The following CNDP1 variants were observed in gnomAD, a reference collection of about 807,000 sequenced individuals.
CNDP1 encodes the protein carnosine dipeptidase 1.
In CNDP1, 44 loss-of-function variants were observed where a neutral mutation model predicts 58.1. The ratio of observed to expected loss-of-function variants is 0.76; its 90% CI spans 0.60 to 0.97. The LOEUF (loss-of-function observed/expected upper bound fraction) is 0.97. Ranked by LOEUF, CNDP1 falls within the 50% of genes least tolerant of loss-of-function variation. The pLI, the probability that CNDP1 is intolerant of heterozygous loss-of-function variation, is 0.00. For synonymous variants in CNDP1, 254 were observed against 252.6 expected (o/e 1.01, Z -0.05); for missense variants, 616 against 655.1 (o/e 0.94, Z 0.65).
In CNDP1 at chr18:74,579,089, G is replaced by A. The variant is rs529501743; in HGVS notation, c.1167+762G>A. On this transcript the variant is annotated intron_variant, in intron 9 of 11. Coordinates refer to ENST00000358821, the MANE Select transcript of CNDP1 (RefSeq NM_032649.6). ...AAAGTAGTCTCTCTTTCTCCCTCCC[G>A]GCTTCCTCCCCTCCTCTCTTCCCTC... Among the ~76,000 whole-genome samples the A allele has an allele frequency of 7.3e-5, 11 of 150,758 alleles. No individual in the cohort carries two copies. In the Middle Eastern group the frequency reaches 0.01, roughly 144 times the overall value.
chr18:74,548,383 C>T (rs1466546888), intron 1 of CNDP1, among the ~76,000 whole-genome samples: 1 of 152,104 alleles, frequency 6.6e-6, no homozygotes, highest in Admixed American at 6.5e-5. Context: ...ACATTCTTGC[C>T]ATGTGAGGAG....
At chr18:74,584,210 A>G (rs1981858160) in intron 11 of CNDP1, 1 of 430,108 alleles carries the variant, frequency 2.3e-6, no homozygotes, top group Admixed American at 3.6e-5. Context: ...GACTACTGAG[A>G]AACAAGAAAT....
intron 1 of CNDP1, among the ~76,000 whole-genome samples, chr18:74,546,961 T>G (rs1980775544): frequency 6.6e-6 from 1 of 152,146 alleles, no homozygotes; most frequent in South Asian, 2.1e-4. Context: ...TCACAGTTCT[T>G]GAGACTTTCT....
At chr18:74,554,438 C>T (rs1302052213) in intron 1 of CNDP1, among the ~76,000 whole-genome samples, 5 of 152,166 alleles carry the variant, frequency 3.3e-5, no homozygotes, top group Admixed American at 3.3e-4. Flanking sequence ...TCAGTAGGAC[C>T]AGATGTTTTG....
intron 6 of CNDP1, among the ~76,000 whole-genome samples, chr18:74,570,247 AAAAAG>A (rs1425563743): frequency 6.7e-6 from 1 of 149,234 alleles, no homozygotes; most frequent in Non-Finnish European, 1.5e-5. Context: ...ATAATTAAAA[AAAAAG>A]AAAAGAAAAG....
rs113254855 is a variant in CNDP1 at position 74,584,252 on chromosome 18, G to A, written c.1458-244G>A. The A allele has an allele frequency of 2.7e-3, 1,347 of 508,072 alleles. 14 individuals carry two copies. The highest frequency in any genetic ancestry group is 0.023 in the African/African-American group (1,202 of 52,272). 31.5% of individuals were successfully genotyped at this position (508,072 alleles called of 1,614,324 possible). A position where few individuals can be genotyped will look rare whatever the true frequency, so the allele number is the denominator to read the frequency against. ...ACCCTGATATCCATATCAGTGATAA[G>A]AAATCAAGGAAAATTCACTTTTGGA... is the stretch of plus-strand genomic sequence containing the variant. On this transcript the variant is annotated intron_variant, in intron 11 of 11. Transcript: ENST00000358821.
chr18:74,553,341 C>G (rs182497850), intron 1 of CNDP1, among the ~76,000 whole-genome samples: 1 of 152,190 alleles, frequency 6.6e-6, no homozygotes, highest in Admixed American at 6.5e-5. Flanking sequence ...ATCACCTCAT[C>G]CAAAGGTAGG....
In CNDP1 at chr18:74,580,416, G is replaced by A. The variant is rs779701971; in HGVS notation, c.1309+145G>A. The A allele has an allele frequency of 5.1e-6, 4 of 785,926 alleles. No homozygotes were observed. In the African/African-American group the frequency reaches 5.2e-5, roughly 10 times the overall value. 48.7% of individuals were successfully genotyped at this position (785,926 alleles called of 1,614,324 possible). A position where few individuals can be genotyped will look rare whatever the true frequency, so the allele number is the denominator to read the frequency against. On this transcript the variant is annotated intron_variant, in intron 10 of 11. Transcript: ENST00000358821. ...GAGCACATTGTTGAATGCATGCCAT[G>A]TGCAGGGCACGCTATACACGCCATC...
intron 1 of CNDP1, among the ~76,000 whole-genome samples, chr18:74,549,077 C>T (rs1331045712): frequency 6.6e-6 from 1 of 152,190 alleles, no homozygotes; most frequent in African/African-American, 2.4e-5. Context: ...ACCAGTGGCA[C>T]TTGTGGCTGC....
intron 1 of CNDP1, among the ~76,000 whole-genome samples, chr18:74,535,994 T>C (rs1457126743): frequency 6.6e-6 from 1 of 152,138 alleles, no homozygotes; most frequent in East Asian, 1.9e-4. Context: ...GTTGCGCCAC[T>C]GCACTCCAGC....
At position 74,544,108 on chromosome 18, in the gene CNDP1, C is replaced by T. The variant is rs902092851; in HGVS notation, c.24+9417C>T. Among the ~76,000 whole-genome samples, 7 of 152,036 alleles carry T rather than the reference C, an allele frequency of 4.6e-5. No homozygotes were observed. The East Asian group carries it at 1.4e-3, about 29-fold the overall frequency. On this transcript the variant is annotated intron_variant, in intron 1 of 11. Transcript: ENST00000358821. ...CTCTACAAAAAGCTTAAAAAATAAG[C>T]CGGCTTGGTGTTGCACACCTGTAGT... is the stretch of plus-strand genomic sequence containing the variant.
chr18:74,583,288 T>C (rs1230998382), intron 10 of CNDP1, among the ~76,000 whole-genome samples: 3 of 152,226 alleles, frequency 2.0e-5, no homozygotes, highest in Non-Finnish European at 2.9e-5. Context: ...ATTACAGGCA[T>C]GAGCCACTGC....
chr18:74,534,800 C>A, intron 1 of CNDP1, 109 bp downstream of exon 1: 1 of 1,181,960 alleles, frequency 8.5e-7, no homozygotes, highest in Non-Finnish European at 1.3e-6. Context: ...CCCAGCGTGG[C>A]CCCAGATGCT....
Position 74,586,053 on chromosome 18 carries a change from ACT to A in CNDP1, c.*1494_*1495del, listed in dbSNP as rs1981907020. The A allele has an allele frequency of 6.7e-6, 1 of 149,400 alleles. No homozygotes were observed. Among genetic ancestry groups the A allele is most frequent in the African/African-American group, 2.5e-5 (1 of 40,552 alleles). The allele number at this position is 149,400 out of a possible 1,614,324, so 9.3% of individuals were successfully genotyped here. A position where few individuals can be genotyped will look rare whatever the true frequency, so the allele number is the denominator to read the frequency against. ...CATTTGCGTTCAACTTTTTTCCATC[ACT>A]CTGTTGGTTCTTGAGATGTCAGTGT... On this transcript the variant is annotated 3_prime_UTR_variant, in exon 12 of 12. Transcript: ENST00000358821.
chr18:74,571,943 A>G (rs1305514466), intron 7 of CNDP1, among the ~76,000 whole-genome samples: 1 of 151,910 alleles, frequency 6.6e-6, no homozygotes, highest in Non-Finnish European at 1.5e-5. Context: ...AAGGGGCACA[A>G]TCGTCTGTTC....
chr18:74,565,286 C>T (rs1339668920), intron 5 of CNDP1, among the ~76,000 whole-genome samples: 2 of 152,288 alleles, frequency 1.3e-5, no homozygotes, highest in South Asian at 2.1e-4. Context: ...CATTCCACCC[C>T]TGGCCCCTCC....
intron 1 of CNDP1, among the ~76,000 whole-genome samples, chr18:74,538,910 C>T (rs906161472): frequency 5.9e-5 from 9 of 152,150 alleles, no homozygotes; most frequent in Admixed American, 2.0e-4. Flanking sequence ...TTTTCAACTT[C>T]GAGTATAAAA....
At chr18:74,538,792 A>C (rs1315061165) in intron 1 of CNDP1, among the ~76,000 whole-genome samples, 1 of 152,164 alleles carries the variant, frequency 6.6e-6, no homozygotes, top group Admixed American at 6.5e-5. Flanking sequence ...ATGATACTGA[A>C]CATTTTTTCA....
chr18:74,562,060 ACGAGG>A lies in CNDP1; in HGVS notation c.481_485del (p.Arg161SerfsTer34). On this transcript the variant is annotated frameshift_variant, in exon 5 of 12. Transcript: ENST00000358821. LOFTEE classifies it high-confidence loss of function. ...CCCTTTTTAAAGGGAAACTTTATGG[ACGAGG>A]AGCGACCGACAACAAAGGCCCTGTC... The A allele has an allele frequency of 6.2e-7, 1 of 1,614,080 alleles. No homozygotes were observed. Among genetic ancestry groups the A allele is most frequent in the South Asian group, 1.1e-5 (1 of 91,082 alleles).
Sources: allele counts gnomAD v4.1 joint callset (sites outside exome capture counted in the v4.1 genomes callset), GRCh38; gene constraint gnomAD v4.1.1; transcripts MANE v1.5; gene names NCBI Gene and HGNC (gene_info 2026-07-23, HGNC 2026-07-21).